HEXB: variants seen among roughly 807,000 people sequenced by gnomAD.
The protein encoded by HEXB is hexosaminidase subunit beta, also known as beta-hexosaminidase subunit beta.
Under a neutral mutation model 71.2 loss-of-function variants are expected in HEXB, and 51 were observed. The observed-to-expected ratio is 0.72, with a 90% CI of 0.57 to 0.90. The LOEUF (loss-of-function observed/expected upper bound fraction) is 0.90, where lower values mean the gene tolerates loss of function less well. HEXB is among the 40% of genes least tolerant of loss of function. The pLI, the probability that HEXB is intolerant of heterozygous loss-of-function variation, is 0.00. For missense variants in HEXB, 617 were observed against 677.0 expected (o/e 0.91, Z 0.98); for synonymous variants, 266 against 249.3 (o/e 1.07, Z -0.63).
At chr5:74,699,353 C>G (rs888934891) in intron 5 of HEXB, among the ~76,000 whole-genome samples, 7 of 151,610 alleles carry the variant, frequency 4.6e-5, no homozygotes, top group African/African-American at 9.7e-5. Context: ...CGGCTCACTG[C>G]TACCTCCGCC....
chr5:74,645,630 CT>C (rs2112066551), intron 1 of HEXB, among the ~76,000 whole-genome samples: 2 of 152,242 alleles, frequency 1.3e-5, no homozygotes, highest in South Asian at 4.1e-4. Context: ...AGTTTATTGG[CT>C]GCTTACAGGA....
At chr5:74,708,604 A>C (rs1246208057) in intron 6 of HEXB, among the ~76,000 whole-genome samples, 1 of 152,186 alleles carries the variant, frequency 6.6e-6, no homozygotes, top group African/African-American at 2.4e-5. Context: ...AGATCTACCA[A>C]GGAAATGGAA....
In HEXB at chr5:74,720,676, G is replaced by C. The variant is rs1417317737; in HGVS notation, c.1542G>C (p.Trp514Cys). Residue 514 changes from tryptophan to cysteine, a missense_variant, in exon 13 of 14, where the codon TGG becomes TGC. Physicochemically the swap from Trp to Cys is radical, Grantham distance 215. Transcript: ENST00000261416. Reference sequence around the variant, plus strand: ...CAAGTGCTGTTGGTGAGAGACTCTGGAGTTCCAAAGATGTCAGAGATATGG... The same window carrying C: ...CAAGTGCTGTTGGTGAGAGACTCTGCAGTTCCAAAGATGTCAGAGATATGG... ...PRASAVGERL[W>C]SSKDVRDMDD... The C allele has an allele frequency of 2.5e-6, 4 of 1,614,122 alleles. No homozygotes were observed. The highest frequency in any genetic ancestry group is 3.4e-6 in the Non-Finnish European group (4 of 1,180,000).
intron 1 of HEXB, among the ~76,000 whole-genome samples, chr5:74,666,241 A>G (rs1359625613): frequency 6.6e-6 from 1 of 152,244 alleles, no homozygotes; most frequent in African/African-American, 2.4e-5. Context: ...TGTCATCTCA[A>G]TGGGTCACAA....
At chr5:74,668,282 A>G (rs2112098592) in intron 1 of HEXB, among the ~76,000 whole-genome samples, 1 of 145,882 alleles carries the variant, frequency 6.9e-6, no homozygotes, top group East Asian at 2.0e-4. Context: ...TTGTTCTTTG[A>G]TTTTGAATTC....
rs11351656 is a variant in HEXB, at chr5:74,659,117, G to GA, written c.-377+18569dup. On this transcript the variant is annotated intron_variant, in intron 1 of 13. Coordinates refer to the HEXB transcript ENST00000511181. ...TGGGAAAAAGAGACTTTTAAAACTGGAAAAAAAAAACTTGTCTTTGGTACT... is the reference window on the plus strand; with the variant it reads ...TGGGAAAAAGAGACTTTTAAAACTGGAAAAAAAAAAACTTGTCTTTGGTACT... Among the ~76,000 whole-genome samples, 66 of 149,612 alleles carry GA rather than the reference G, an allele frequency of 4.4e-4. 1 individual carries two copies. Among genetic ancestry groups the GA allele is most frequent in the South Asian group, 1.1e-3 (5 of 4,730 alleles).
At chr5:74,701,494 A>G (rs1749259781) in intron 5 of HEXB, among the ~76,000 whole-genome samples, 1 of 152,178 alleles carries the variant, frequency 6.6e-6, no homozygotes, top group African/African-American at 2.4e-5. Flanking sequence ...AAATTCAGTT[A>G]TAATTATTAA....
intron 1 of HEXB, among the ~76,000 whole-genome samples, chr5:74,673,474 G>C (rs1748577204): frequency 6.6e-6 from 1 of 152,176 alleles, no homozygotes; most frequent in Non-Finnish European, 1.5e-5. Context: ...GTCCTAGGCT[G>C]TCCACCCACC....
intron 10 of HEXB, 53 bp downstream of exon 10, chr5:74,718,416 C>A: frequency 7.6e-7 from 1 of 1,314,174 alleles, no homozygotes; most frequent in Non-Finnish European, 1.1e-6. Context: ...AATTATTTTT[C>A]TTGGGGCAAC....
intron 1 of HEXB, among the ~76,000 whole-genome samples, chr5:74,687,796 AT>A (rs1344087206): frequency 6.6e-6 from 1 of 152,178 alleles, no homozygotes; most frequent in Non-Finnish European, 1.5e-5. Flanking sequence ...GGGTTTTCCT[AT>A]GAGAAGGGCC....
intron 11 of HEXB, 192 bp from the exon 12 acceptor site, chr5:74,720,236 T>G: frequency 1.7e-6 from 1 of 602,436 alleles, no homozygotes; most frequent in Non-Finnish European, 3.0e-6. Context: ...TTGCAACCAT[T>G]TTTTTGGGGG....
intron 5 of HEXB, among the ~76,000 whole-genome samples, chr5:74,697,507 C>T (rs1229411518): frequency 6.6e-6 from 1 of 152,094 alleles, no homozygotes; most frequent in Non-Finnish European, 1.5e-5. Flanking sequence ...AGGTGGATCA[C>T]CTGAGGTCAG....
chr5:74,647,183 G>A (rs1748017557), intron 1 of HEXB, among the ~76,000 whole-genome samples: 1 of 152,130 alleles, frequency 6.6e-6, no homozygotes, highest in Non-Finnish European at 1.5e-5. Flanking sequence ...AAGGCTCCTG[G>A]ATCCAAACTC....
chr5:74,681,184 T>G (rs561211973), upstream of HEXB, among the ~76,000 whole-genome samples: 8 of 152,192 alleles, frequency 5.3e-5, no homozygotes, highest in Non-Finnish European at 1.0e-4. Context: ...CACCTTGTTG[T>G]TGGTGAATAA....
Position 74,717,670 on chromosome 5 carries a change from TA to T in HEXB, c.1170-612del, listed in dbSNP as rs141306955. On this transcript the variant is annotated intron_variant, in intron 9 of 13. Transcript: ENST00000261416. ...AAAAAAAACCTCAAATTTTAAAACT[TA>T]AAAAAAAATGCTTTACAAATATAAA... 4.2e-3 allele frequency among the ~76,000 whole-genome samples: 633 copies of T among 149,710 alleles called. 3 individuals carry two copies. Among genetic ancestry groups the T allele is most frequent in the Non-Finnish European group, 5.6e-3 (380 of 67,370 alleles).
At chr5:74,685,685 A>T in intron 1 of HEXB, 126 bp downstream of exon 1, 1 of 813,422 alleles carries the variant, frequency 1.2e-6, no homozygotes, top group Non-Finnish European at 1.9e-6. Context: ...CTGGCAGGCG[A>T]TCTGCCCAGC....
At chr5:74,689,736 T>C (rs1748955023) in intron 2 of HEXB, 10 of 487,148 alleles carry the variant, frequency 2.1e-5, no homozygotes, top group East Asian at 3.6e-5. Context: ...ATTTTAGGTG[T>C]ATTTTTTTGC....
intron 1 of HEXB, among the ~76,000 whole-genome samples, chr5:74,662,805 GTTTT>G (rs894006052): frequency 1.1e-4 from 16 of 152,076 alleles, no homozygotes; most frequent in African/African-American, 3.9e-4. Flanking sequence ...CTATAATTTG[GTTTT>G]TTGTAAAGGA....
intron 1 of HEXB, among the ~76,000 whole-genome samples, chr5:74,678,529 G>GA (rs35540313): frequency 0.15 from 22,479 of 149,054 alleles, 1,869 homozygotes; most frequent in East Asian, 0.27. Context: ...AGCCATTTGG[G>GA]AAAAAAAAAG....
Sources: gnomAD v4.1 joint callset for allele counts (sites outside exome capture counted in the v4.1 genomes callset) on GRCh38, gnomAD v4.1.1 for gene constraint, MANE v1.5 for transcripts, NCBI Gene and HGNC (gene_info 2026-07-23, HGNC 2026-07-21) for gene names.